Variants in NRF1 observed in about 807,000 individuals in gnomAD.
The protein encoded by NRF1 is alpha palindromic-binding protein.
A neutral mutation model predicts 58.5 loss-of-function variants in NRF1; 5 were observed. The observed-to-expected ratio is 0.09, with a 90% confidence interval of 0.04 to 0.18. The LOEUF (loss-of-function observed/expected upper bound fraction) is 0.18, where lower values mean the gene tolerates loss of function less well. Among genes scored for constraint, NRF1 ranks in the 10% least tolerant of loss-of-function variants. NRF1 has a pLI of 1.00. For missense variants in NRF1, 288 were observed against 657.7 expected, an observed-to-expected ratio of 0.44 and a Z score of 6.15; for synonymous variants, 224 against 246.7, an observed-to-expected ratio of 0.91 and a Z score of 0.86.
intron 5 of NRF1, among the ~76,000 whole-genome samples, chr7:129,704,038 T>C (rs1802894830): frequency 6.6e-6 from 1 of 151,978 alleles, no homozygotes; most frequent in South Asian, 2.1e-4. Context: ...AATCTGCTTG[T>C]ACATCCCCCC....
intron 10 of NRF1, among the ~76,000 whole-genome samples, chr7:129,736,661 G>C (rs1463430191): frequency 6.7e-6 from 1 of 150,240 alleles, no homozygotes; most frequent in Non-Finnish European, 1.5e-5. Flanking sequence ...TCCGCTAGCA[G>C]CAGGGAGGGT....
chr7:129,737,865 T>C (rs529833616), intron 10 of NRF1, among the ~76,000 whole-genome samples: 4 of 152,362 alleles, frequency 2.6e-5, no homozygotes, highest in Non-Finnish European at 2.9e-5. Flanking sequence ...TATTTGTAGC[T>C]TTTATCCAAA....
chr7:129,659,094 T>C (rs952758416), intron 2 of NRF1, among the ~76,000 whole-genome samples: 3 of 148,382 alleles, frequency 2.0e-5, no homozygotes, highest in Admixed American at 6.7e-5. Flanking sequence ...TTTTTTTTTT[T>C]TTGAGATGGA....
At chr7:129,716,951 A>G (rs879842050) in intron 8 of NRF1, among the ~76,000 whole-genome samples, 9 of 151,894 alleles carry the variant, frequency 5.9e-5, no homozygotes, top group Admixed American at 2.6e-4. Flanking sequence ...AACCCCACAC[A>G]TACAATCCAG....
rs1215081704 is a variant in NRF1, at chr7:129,619,482, GTGTGTGTGTATATATATA to G, written c.-7+7660_-7+7677del. The stretch of plus-strand genomic sequence containing the variant: ...CACGTGTGTGTGTGTGTGTGTGTGT[GTGTGTGTGTATATATATA>G]TATATATATATATGTATTGTTTTGC... On this transcript the variant is annotated intron_variant, in intron 1 of 10. Transcript: ENST00000393232. Among the ~76,000 whole-genome samples, 15 of 31,188 alleles carry G rather than the reference GTGTGTGTGTATATATATA, an allele frequency of 4.8e-4. No homozygotes were observed. In the South Asian group the frequency reaches 0.023, roughly 48 times the overall value. 20.5% of individuals were successfully genotyped at this position (31,188 alleles called of 152,430 possible).
At chr7:129,675,039 A>G (rs1802144586) in intron 3 of NRF1, among the ~76,000 whole-genome samples, 1 of 152,218 alleles carries the variant, frequency 6.6e-6, no homozygotes, top group Non-Finnish European at 1.5e-5. Flanking sequence ...GCTGCTTCAT[A>G]AATTCAGTTT....
intron 2 of NRF1, among the ~76,000 whole-genome samples, chr7:129,666,841 A>C (rs1801934990): frequency 6.6e-6 from 1 of 152,012 alleles, no homozygotes; most frequent in African/African-American, 2.4e-5. Context: ...TGAATATTTC[A>C]CATATTGGTA....
intron 5 of NRF1, among the ~76,000 whole-genome samples, chr7:129,705,143 GTAA>G (rs1051837065): frequency 2.6e-5 from 4 of 152,138 alleles, no homozygotes; most frequent in African/African-American, 7.2e-5. Context: ...GATGACTGAG[GTAA>G]TAATAATAAA....
intron 2 of NRF1, among the ~76,000 whole-genome samples, chr7:129,660,479 C>T (rs1490800829): frequency 6.6e-6 from 1 of 150,896 alleles, no homozygotes; most frequent in Non-Finnish European, 1.5e-5. Context: ...TTCCTAGATA[C>T]AGTGGGGGTA....
chr7:129,672,239 A>G (rs1318771996), intron 3 of NRF1, among the ~76,000 whole-genome samples: 1 of 124,452 alleles, frequency 8.0e-6, no homozygotes, highest in Non-Finnish European at 1.6e-5. Flanking sequence ...TGGTCTTGCT[A>G]TGTTGTCCAG....
chr7:129,752,854 C>G (rs1443996114), intron 10 of NRF1, among the ~76,000 whole-genome samples: 1 of 152,030 alleles, frequency 6.6e-6, no homozygotes, highest in African/African-American at 2.4e-5. Flanking sequence ...GGCCCTTCTG[C>G]GTGCTTCCCC....
Position 129,673,794 on chromosome 7 carries a change from A to C in NRF1, c.338+2251A>C, listed in dbSNP as rs547730057. The stretch of plus-strand genomic sequence containing the variant: ...CATGTCACATGTATACCTTTGTAAC[A>C]AACCTGCACATGTATCCCAGAACTT... On this transcript the variant is annotated intron_variant, in intron 3 of 10. Coordinates refer to ENST00000393232, the MANE Select transcript of NRF1 (RefSeq NM_005011.5). 2.0e-3 allele frequency among the ~76,000 whole-genome samples: 307 copies of C among 152,110 alleles called. 3 individuals carry two copies. Among genetic ancestry groups the C allele is most frequent in the African/African-American group, 6.7e-3 (276 of 41,490 alleles).
chr7:129,628,034 C>CT (rs67262888), intron 1 of NRF1, among the ~76,000 whole-genome samples: 796 of 72,086 alleles, frequency 0.011, 65 homozygotes, highest in Admixed American at 0.015. Context: ...GCCAATGGTT[C>CT]TTTTTTTTTT....
At chr7:129,659,976 G>A (rs1801744742) in intron 2 of NRF1, among the ~76,000 whole-genome samples, 1 of 152,170 alleles carries the variant, frequency 6.6e-6, no homozygotes, top group South Asian at 2.1e-4. Context: ...GAAGAAAGAG[G>A]TTTTAATGGA....
At chr7:129,729,770 T>C (rs1471444358) in intron 10 of NRF1, among the ~76,000 whole-genome samples, 1 of 152,240 alleles carries the variant, frequency 6.6e-6, no homozygotes. Context: ...GGCTAGACTT[T>C]TAGAGGTTCT....
At chr7:129,653,503 C>T (rs564355944) in intron 1 of NRF1, among the ~76,000 whole-genome samples, 159 of 152,220 alleles carry the variant, frequency 1.0e-3, no homozygotes, top group African/African-American at 3.6e-3. Flanking sequence ...TGGTATTGTA[C>T]ATTACATAGT....
At chr7:129,671,973 A>G (rs915458580) in intron 3 of NRF1, among the ~76,000 whole-genome samples, 2 of 152,136 alleles carry the variant, frequency 1.3e-5, no homozygotes, top group African/African-American at 2.4e-5. Flanking sequence ...AGTTTTCTCT[A>G]TTACGGGGAT....
At chr7:129,673,196 AAAGGAGTGGT>A (rs1802089644) in intron 3 of NRF1, among the ~76,000 whole-genome samples, 1 of 152,204 alleles carries the variant, frequency 6.6e-6, no homozygotes, top group Admixed American at 6.5e-5. Flanking sequence ...GAGTATATTC[AAAGGAGTGGT>A]AAGGGTGAAA....
chr7:129,698,570 T>C (rs1322623347), intron 5 of NRF1, among the ~76,000 whole-genome samples: 1 of 152,162 alleles, frequency 6.6e-6, no homozygotes, highest in African/African-American at 2.4e-5. Context: ...GAAGTCTCCT[T>C]TTTCAGATTT....
Sources: gnomAD v4.1 joint callset for allele counts (sites outside exome capture counted in the v4.1 genomes callset) on GRCh38, gnomAD v4.1.1 for gene constraint, MANE v1.5 for transcripts, NCBI Gene and HGNC (gene_info 2026-07-23, HGNC 2026-07-21) for gene names.